The following SART3 variants were observed in gnomAD, a reference collection of about 807,000 sequenced individuals.
The protein encoded by SART3 is HIV-1 Tat-interacting protein of 110kDa.
Under a neutral mutation model 122.3 loss-of-function variants are expected in SART3, and 44 were observed. The ratio of observed to expected loss-of-function variants is 0.36; its 90% CI spans 0.28 to 0.46. SART3 has a LOEUF of 0.46. Among genes scored for constraint, SART3 ranks in the 20% least tolerant of loss-of-function variants. The probability of loss-of-function intolerance (pLI) is 1.00; values close to 1 mark genes in which losing one functional copy is unlikely to be tolerated. For synonymous variants in SART3, 442 were observed against 454.0 expected, an observed-to-expected ratio of 0.97 and a Z score of 0.34; for missense variants, 1,101 against 1,229.0, an observed-to-expected ratio of 0.90 and a Z score of 1.56.
chr12:108,553,170 G>A (rs1484798628), intron 1 of SART3, among the ~76,000 whole-genome samples: 2 of 152,136 alleles, frequency 1.3e-5, no homozygotes, highest in Non-Finnish European at 2.9e-5. Context: ...ACGCCTTACA[G>A]AAATAACTCA....
chr12:108,554,630 T>G (rs937056976), intron 1 of SART3, among the ~76,000 whole-genome samples: 30 of 149,032 alleles, frequency 2.0e-4, no homozygotes, highest in African/African-American at 7.3e-4. Flanking sequence ...ATAAATATAT[T>G]TTAATAACAT....
intron 1 of SART3, among the ~76,000 whole-genome samples, chr12:108,552,449 G>A (rs2030044668): frequency 7.4e-6 from 1 of 135,084 alleles, no homozygotes; most frequent in Non-Finnish European, 1.6e-5. Flanking sequence ...ATATGGCTAA[G>A]TAGACAATCT....
At chr12:108,547,099 C>T (rs537144172) in intron 3 of SART3, among the ~76,000 whole-genome samples, 6 of 152,326 alleles carry the variant, frequency 3.9e-5, no homozygotes, top group African/African-American at 1.4e-4. Flanking sequence ...GGATTACAGG[C>T]GTGAGCCACC....
chr12:108,551,047 T>C (rs2029988540), intron 1 of SART3, among the ~76,000 whole-genome samples: 1 of 152,080 alleles, frequency 6.6e-6, no homozygotes, highest in South Asian at 2.1e-4. Context: ...TAGATAATGG[T>C]AGAGTGGATA....
intron 5 of SART3, among the ~76,000 whole-genome samples, chr12:108,543,642 G>A (rs1313236633): frequency 6.6e-6 from 1 of 152,200 alleles, no homozygotes; most frequent in Non-Finnish European, 1.5e-5. Context: ...CTGCAAGCCG[G>A]CTCAGCTCTA....
At position 108,537,485 on chromosome 12, in the gene SART3, T is replaced by C. The variant is rs1395951065; in HGVS notation, c.1309+3A>G. On this transcript the variant is annotated splice_donor_region_variant and intron_variant, in intron 9 of 18. Transcript: ENST00000546815. Reference sequence around the variant, plus strand: ...CTAAAGTGAAAAACATGTGCTTAAATACCTTGTTTGAAATCAACCCTTCTC... The same window carrying C: ...CTAAAGTGAAAAACATGTGCTTAAACACCTTGTTTGAAATCAACCCTTCTC... The C allele has an allele frequency of 6.2e-6, 10 of 1,608,342 alleles. No homozygotes were observed. Among genetic ancestry groups the C allele is most frequent in the Non-Finnish European group, 8.5e-6 (10 of 1,174,808 alleles).
In SART3 at chr12:108,547,824, C is replaced by T. The variant is rs1873497642; in HGVS notation, c.544+63G>A. 1.2e-5 allele frequency: 14 copies of T among 1,215,348 alleles called. No homozygotes were observed. In the South Asian group the frequency reaches 1.7e-4, roughly 15 times the overall value. 75.3% of individuals were successfully genotyped at this position (1,215,348 alleles called of 1,614,324 possible). A position where few individuals can be genotyped will look rare whatever the true frequency, so the allele number is the denominator to read the frequency against. ...GGTAGCAACATCTCATAATACAGTC[C>T]TCAACAGCAGACTGATATATATGAC... On this transcript the variant is annotated intron_variant, in intron 3 of 18. Coordinates refer to ENST00000546815, the MANE Select transcript of SART3 (RefSeq NM_014706.4).
In SART3 at chr12:108,529,806, T is replaced by TA. The variant is rs138607862; in HGVS notation, c.1915+335dup. Among the ~76,000 whole-genome samples the TA allele has an allele frequency of 5.6e-3, 807 of 143,106 alleles. 7 individuals are homozygous for TA. The highest frequency in any genetic ancestry group is 8.7e-3 in the Non-Finnish European group (564 of 64,932). 93.9% of individuals were successfully genotyped at this position (143,106 alleles called of 152,430 possible). Reference sequence around the variant, plus strand: ...CTTACAAGACTGCAGGTCATCAGAGTAAAAAAAAAAAGCTGAGGAGTGCTC... The same window carrying TA: ...CTTACAAGACTGCAGGTCATCAGAGTAAAAAAAAAAAAGCTGAGGAGTGCTC... On this transcript the variant is annotated intron_variant, in intron 15 of 18. Transcript: ENST00000546815.
intron 1 of SART3, among the ~76,000 whole-genome samples, chr12:108,555,386 C>T (rs1252958885): frequency 1.3e-5 from 2 of 152,086 alleles, no homozygotes; most frequent in African/African-American, 2.4e-5. Flanking sequence ...AAGACTTGGC[C>T]GGGGGCGGTG....
chr12:108,552,126 T>C (rs1009865105), intron 1 of SART3, among the ~76,000 whole-genome samples: 3 of 152,062 alleles, frequency 2.0e-5, no homozygotes, highest in Admixed American at 6.6e-5. Flanking sequence ...AGAAAATGCA[T>C]GTGACAAAAT....
intron 6 of SART3, chr12:108,542,640 G>C: frequency 2.9e-6 from 1 of 342,932 alleles, no homozygotes; most frequent in East Asian, 7.4e-5. Flanking sequence ...TATACAGCAT[G>C]ATTCCAATAT....
intron 12 of SART3, among the ~76,000 whole-genome samples, chr12:108,533,190 G>A (rs746154656): frequency 6.6e-6 from 1 of 152,028 alleles, no homozygotes; most frequent in Non-Finnish European, 1.5e-5. Flanking sequence ...CAGGGGCCCT[G>A]CAAAGTCAAA....
chr12:108,544,852 A>AC, intron 4 of SART3: 1 of 573,460 alleles, frequency 1.7e-6, no homozygotes, highest in South Asian at 2.0e-5. Context: ...AGCATGAGCC[A>AC]CCGCACTTGG....
intron 1 of SART3, among the ~76,000 whole-genome samples, chr12:108,557,061 T>C (rs1446568773): frequency 6.6e-6 from 1 of 152,230 alleles, no homozygotes; most frequent in Non-Finnish European, 1.5e-5. Context: ...GAAGATACTA[T>C]ATGTGGACAA....
intron 6 of SART3, among the ~76,000 whole-genome samples, chr12:108,541,950 T>C (rs1216865463): frequency 6.7e-6 from 1 of 150,138 alleles, no homozygotes; most frequent in African/African-American, 2.5e-5. Context: ...TCCTCCTACC[T>C]TCGCCTCTGG....
chr12:108,524,606 G>T, intron 17 of SART3, 100 bp from the exon 18 acceptor site: 1 of 1,108,888 alleles, frequency 9.0e-7, no homozygotes, highest in Non-Finnish European at 1.4e-6. Flanking sequence ...GAGACCAGCA[G>T]ACCAGGCCAC....
chr12:108,546,417 T>A (rs1873421272), intron 3 of SART3, among the ~76,000 whole-genome samples: 1 of 152,026 alleles, frequency 6.6e-6, no homozygotes, highest in Admixed American at 6.6e-5. Context: ...GCCAGGATGG[T>A]CTCAATCTCC....
rs1420348431 is a variant in SART3, at chr12:108,549,182, A to C, written c.345T>G (p.His115Gln). 2 of 1,614,122 alleles carry C rather than the reference A, an allele frequency of 1.2e-6. No homozygotes were observed. The highest frequency in any genetic ancestry group is 1.7e-6 in the Non-Finnish European group (2 of 1,180,036). ...GCCTGAGCAGTCTGATCAAGTCCAC[A>C]TGGCAGTTGTAGTCATAGACGTTGA... ...LSINVYDYNC[H>Q]VDLIRLLRLE... The change falls in exon 2 of 19, where the codon CAT becomes CAG. Residue 115 changes from histidine to glutamine, a missense_variant. His to Gln is a conservative substitution (Grantham distance 24). Transcript: ENST00000546815.
At chr12:108,548,486 G>C (rs1873536922) in intron 2 of SART3, among the ~76,000 whole-genome samples, 1 of 152,130 alleles carries the variant, frequency 6.6e-6, no homozygotes, top group Non-Finnish European at 1.5e-5. Context: ...AGCCAGGAAT[G>C]AATCTAGGTC....
Sources: allele counts gnomAD v4.1 joint callset (sites outside exome capture counted in the v4.1 genomes callset), GRCh38; gene constraint gnomAD v4.1.1; transcripts MANE v1.5; gene names NCBI Gene and HGNC (gene_info 2026-07-23, HGNC 2026-07-21).